The following RBMS3 variants were observed in gnomAD, a reference collection of about 807,000 sequenced individuals.
The protein encoded by RBMS3 is RNA binding motif single stranded interacting protein 3, also known as RNA-binding motif, single-stranded-interacting protein 3.
In RBMS3, 27 loss-of-function variants were observed where a neutral mutation model predicts 66.8. The observed-to-expected ratio is 0.40, with a 90% CI of 0.30 to 0.56. The LOEUF is 0.56. Ranked by LOEUF, RBMS3 falls within the 20% of genes least tolerant of loss-of-function variation. The probability of loss-of-function intolerance (pLI) is 0.40; values close to 1 mark genes in which losing one functional copy is unlikely to be tolerated. For missense variants in RBMS3, 513 were observed against 549.5 expected, an observed-to-expected ratio of 0.93 and a Z score of 0.66; for synonymous variants, 188 against 183.0, an observed-to-expected ratio of 1.03 and a Z score of -0.22.
At chr3:29,371,630 CTG>C (rs1360982010) in intron 1 of RBMS3, among the ~76,000 whole-genome samples, 1 of 152,116 alleles carries the variant, frequency 6.6e-6, no homozygotes, top group Non-Finnish European at 1.5e-5. Context: ...ATGTATGTGT[CTG>C]TGTTTGTATG....
In RBMS3 at chr3:29,792,370, T is replaced by C. The variant is rs190590636; in HGVS notation, c.637+29381T>C. ...AAAATATGTCTTATTGTTCTCCATGTTCTGTATGAAGTTCTTACTTTGAAA... is the reference window on the plus strand; with the variant it reads ...AAAATATGTCTTATTGTTCTCCATGCTCTGTATGAAGTTCTTACTTTGAAA... On this transcript the variant is annotated intron_variant, in intron 6 of 14. Transcript: ENST00000383767. Among the ~76,000 whole-genome samples the C allele has an allele frequency of 2.8e-3, 431 of 152,296 alleles. 5 individuals carry two copies. The highest frequency in any genetic ancestry group is 9.6e-3 in the African/African-American group (397 of 41,562).
At chr3:29,498,274 C>T (rs9859338) in intron 3 of RBMS3, among the ~76,000 whole-genome samples, 4,022 of 151,816 alleles carry the variant, frequency 0.026, 132 homozygotes, top group African/African-American at 0.073. Flanking sequence ...GGATTACAGG[C>T]GTGAACCACT....
At chr3:29,431,585 C>T (rs1198557930) in intron 1 of RBMS3, among the ~76,000 whole-genome samples, 8 of 151,906 alleles carry the variant, frequency 5.3e-5, no homozygotes, top group Non-Finnish European at 1.2e-4. Context: ...GCCACCGCGC[C>T]CAGCCAAAAA....
At chr3:29,331,876 G>T (rs1380748528) in intron 1 of RBMS3, among the ~76,000 whole-genome samples, 3 of 121,906 alleles carry the variant, frequency 2.5e-5, no homozygotes, top group Non-Finnish European at 4.8e-5. Context: ...TCTCTCCTGT[G>T]CTGTTTCTGA....
intron 3 of RBMS3, among the ~76,000 whole-genome samples, chr3:29,573,669 T>A (rs1042540168): frequency 2.0e-5 from 3 of 152,120 alleles, no homozygotes; most frequent in Admixed American, 1.3e-4. Flanking sequence ...TTTATTTGAA[T>A]TTTTTCTTAT....
chr3:29,581,695 G>A (rs569134533), intron 3 of RBMS3, among the ~76,000 whole-genome samples: 30 of 152,316 alleles, frequency 2.0e-4, no homozygotes, highest in Admixed American at 4.6e-4. Context: ...GGAAGAATTT[G>A]GGTGCTACAC....
intron 3 of RBMS3, among the ~76,000 whole-genome samples, chr3:29,549,975 A>T (rs1416546803): frequency 1.3e-5 from 2 of 152,128 alleles, no homozygotes; most frequent in East Asian, 3.9e-4. Flanking sequence ...AAATGAAACA[A>T]AAACAACCAA....
chr3:29,414,297 A>G (rs886114489), intron 1 of RBMS3, among the ~76,000 whole-genome samples: 3 of 152,360 alleles, frequency 2.0e-5, no homozygotes, highest in Middle Eastern at 3.4e-3. Context: ...TATCTATCCC[A>G]TGAGATAGGA....
At chr3:29,326,907 T>C (rs1193980300) in intron 1 of RBMS3, among the ~76,000 whole-genome samples, 1 of 152,100 alleles carries the variant, frequency 6.6e-6, no homozygotes, top group Non-Finnish European at 1.5e-5. Context: ...ATTTTTTGTA[T>C]TTTTAGCAGA....
intron 6 of RBMS3, among the ~76,000 whole-genome samples, chr3:29,770,984 C>A (rs1055417623): frequency 6.6e-6 from 1 of 151,948 alleles, no homozygotes; most frequent in Non-Finnish European, 1.5e-5. Context: ...AAAAAGCCTG[C>A]TATACATACA....
chr3:29,793,735 T>C (rs2057089598), intron 6 of RBMS3, among the ~76,000 whole-genome samples: 1 of 152,252 alleles, frequency 6.6e-6, no homozygotes, highest in African/African-American at 2.4e-5. Context: ...GCTTACACGC[T>C]GTTTCAGAGA....
chr3:29,954,561 A>G (rs1695898023), intron 12 of RBMS3, among the ~76,000 whole-genome samples: 1 of 151,998 alleles, frequency 6.6e-6, no homozygotes, highest in African/African-American at 2.4e-5. Flanking sequence ...TTAATATTAT[A>G]CTAAGCTTAG....
chr3:29,945,743 C>G (rs1255946662), intron 12 of RBMS3, among the ~76,000 whole-genome samples: 1 of 151,670 alleles, frequency 6.6e-6, no homozygotes, highest in Non-Finnish European at 1.5e-5. Context: ...TATCAGATAT[C>G]AGTCATAGGT....
intron 3 of RBMS3, among the ~76,000 whole-genome samples, chr3:29,544,938 G>A (rs2045897651): frequency 6.6e-6 from 1 of 152,108 alleles, no homozygotes; most frequent in Non-Finnish European, 1.5e-5. Flanking sequence ...CAATATTGAG[G>A]CCAAATCAGA....
chr3:29,919,573 C>T (rs2060717491), intron 10 of RBMS3, among the ~76,000 whole-genome samples: 1 of 152,208 alleles, frequency 6.6e-6, no homozygotes, highest in Non-Finnish European at 1.5e-5. Context: ...TCTATATTTT[C>T]AGTGTAAATC....
At chr3:29,855,640 A>G (rs1214919616) in intron 6 of RBMS3, among the ~76,000 whole-genome samples, 1 of 152,212 alleles carries the variant, frequency 6.6e-6, no homozygotes, top group Non-Finnish European at 1.5e-5. Context: ...GACTTATTAA[A>G]TATTAAATGC....
intron 1 of RBMS3, among the ~76,000 whole-genome samples, chr3:29,419,030 T>A (rs2040593150): frequency 6.6e-6 from 1 of 152,146 alleles, no homozygotes; most frequent in Non-Finnish European, 1.5e-5. Context: ...TTTCCTTTAT[T>A]ATAAAGAATA....
At chr3:29,379,836 C>T (rs533118058) in intron 1 of RBMS3, among the ~76,000 whole-genome samples, 6 of 152,054 alleles carry the variant, frequency 3.9e-5, no homozygotes, top group Non-Finnish European at 7.4e-5. Flanking sequence ...AGTAGACAAA[C>T]AACACATTAA....
In RBMS3 at chr3:29,462,119, T is replaced by G. The variant is rs535223363; in HGVS notation, c.249-26322T>G. ...ATGGGGTGATAATACATGATGAGATTGAGTGGTTTAAATACATGATAAAAT... is the reference window on the plus strand; with the variant it reads ...ATGGGGTGATAATACATGATGAGATGGAGTGGTTTAAATACATGATAAAAT... On this transcript the variant is annotated intron_variant, in intron 2 of 14. Coordinates refer to ENST00000383767, the MANE Select transcript of RBMS3 (RefSeq NM_001003793.3). Among the ~76,000 whole-genome samples the G allele has an allele frequency of 1.2e-4, 18 of 152,012 alleles. No individual in the cohort carries two copies. In the South Asian group the frequency reaches 3.5e-3, roughly 30 times the overall value.
Sources: allele counts gnomAD v4.1 joint callset (sites outside exome capture counted in the v4.1 genomes callset), GRCh38; gene constraint gnomAD v4.1.1; transcripts MANE v1.5; gene names NCBI Gene and HGNC (gene_info 2026-07-23, HGNC 2026-07-21).